NDRG3: variants seen among roughly 807,000 people sequenced by gnomAD.
NDRG3 encodes NDRG family member 3.
Under a neutral mutation model 57.2 loss-of-function variants are expected in NDRG3, and 23 were observed. The observed-to-expected ratio is 0.40, with a 90% confidence interval of 0.29 to 0.57. NDRG3 has a LOEUF of 0.57. Among genes scored for constraint, NDRG3 ranks in the 20% least tolerant of loss-of-function variants. The pLI is 0.42. For missense variants in NDRG3, 384 were observed against 457.3 expected (o/e 0.84, Z 1.46); for synonymous variants, 132 against 162.6 (o/e 0.81, Z 1.43).
intron 1 of NDRG3, among the ~76,000 whole-genome samples, chr20:36,738,381 G>C (rs562466938): frequency 6.6e-6 from 1 of 151,560 alleles, no homozygotes; most frequent in African/African-American, 2.4e-5. Context: ...TATAATCCCA[G>C]CTACACGAGA....
chr20:36,676,144 G>A (rs1007737186), intron 8 of NDRG3, among the ~76,000 whole-genome samples: 21 of 152,028 alleles, frequency 1.4e-4, no homozygotes, highest in African/African-American at 5.1e-4. Flanking sequence ...GGAGGCTGAG[G>A]TGGGAGAATG....
chr20:36,699,038 C>T (rs1226937641), intron 3 of NDRG3, among the ~76,000 whole-genome samples: 1 of 152,062 alleles, frequency 6.6e-6, no homozygotes, highest in Non-Finnish European at 1.5e-5. Context: ...AACTCCTGGG[C>T]TCAAGCAATC....
intron 11 of NDRG3, 30 bp downstream of exon 11, chr20:36,665,206 C>A: frequency 6.2e-7 from 1 of 1,610,604 alleles, no homozygotes; most frequent in Non-Finnish European, 8.5e-7. Flanking sequence ...CTATATTTGG[C>A]AAGTCAGCTG....
intron 8 of NDRG3, among the ~76,000 whole-genome samples, chr20:36,672,836 AAAAAAAATGT>A (rs1343618494): frequency 6.6e-6 from 1 of 152,034 alleles, no homozygotes; most frequent in Non-Finnish European, 1.5e-5. Context: ...CTCAAAAAAA[AAAAAAAATGT>A]ACCCACATAT....
At chr20:36,656,049 G>A (rs745568906) in intron 15 of NDRG3, among the ~76,000 whole-genome samples, 6 of 148,864 alleles carry the variant, frequency 4.0e-5, no homozygotes, top group Admixed American at 1.4e-4. Flanking sequence ...CAGGAGAATC[G>A]CTTGAACCCA....
chr20:36,676,113 G>A (rs1440141061), intron 8 of NDRG3, among the ~76,000 whole-genome samples: 2 of 151,864 alleles, frequency 1.3e-5, no homozygotes, highest in African/African-American at 4.8e-5. Context: ...GGTGGCGGGC[G>A]CCTGTAGTCC....
intron 1 of NDRG3, among the ~76,000 whole-genome samples, chr20:36,734,152 A>T (rs2148222384): frequency 6.6e-6 from 1 of 152,082 alleles, no homozygotes; most frequent in South Asian, 2.1e-4. Flanking sequence ...CTTTGCAGTG[A>T]GCTGAGATCG....
intron 6 of NDRG3, among the ~76,000 whole-genome samples, chr20:36,683,210 C>G (rs1981470865): frequency 6.6e-6 from 1 of 151,980 alleles, no homozygotes; most frequent in Admixed American, 6.6e-5. Flanking sequence ...CGCCACTGCA[C>G]TCCAGCCTAG....
chr20:36,676,247 AT>A (rs940380133), intron 8 of NDRG3, among the ~76,000 whole-genome samples: 3 of 152,200 alleles, frequency 2.0e-5, no homozygotes, highest in Non-Finnish European at 4.4e-5. Context: ...TCAAAAAAAA[AT>A]AAATACATAC....
chr20:36,718,861 T>C (rs1984424810), intron 2 of NDRG3, among the ~76,000 whole-genome samples: 1 of 152,102 alleles, frequency 6.6e-6, no homozygotes, highest in African/African-American at 2.4e-5. Flanking sequence ...TTTTAATTTT[T>C]TGGTAGACAG....
chr20:36,716,525 T>C lies in NDRG3; in HGVS notation c.57+5154A>G, dbSNP rs371286810. On this transcript the variant is annotated intron_variant, in intron 2 of 15. Transcript: ENST00000349004. The stretch of plus-strand genomic sequence containing the variant: ...TCCAGCCTGGGCAACAGAGCGAGAC[T>C]CCATCTCAAAAAAAAAAAAAAAAAG... Among the ~76,000 whole-genome samples the C allele has an allele frequency of 6.1e-4, 78 of 126,868 alleles. 1 individual carries two copies. The highest frequency in any genetic ancestry group is 2.2e-3 in the African/African-American group (76 of 34,200). 83.2% of individuals were successfully genotyped at this position (126,868 alleles called of 152,430 possible). A position where few individuals can be genotyped will look rare whatever the true frequency, so the allele number is the denominator to read the frequency against.
intron 3 of NDRG3, among the ~76,000 whole-genome samples, chr20:36,706,497 G>A (rs1458734380): frequency 6.6e-6 from 1 of 151,954 alleles, no homozygotes; most frequent in African/African-American, 2.4e-5. Flanking sequence ...TAGCAAATCA[G>A]TTTTTTTGTT....
intron 2 of NDRG3, among the ~76,000 whole-genome samples, chr20:36,713,743 T>G (rs1315255839): frequency 1.3e-5 from 2 of 152,170 alleles, no homozygotes; most frequent in African/African-American, 4.8e-5. Flanking sequence ...TAAACATCAT[T>G]TTGTAGAGGT....
At position 36,693,137 on chromosome 20, in the gene NDRG3, TATATACAC is replaced by T. The variant is rs1982459071; in HGVS notation, c.94-4361_94-4354del. On this transcript the variant is annotated intron_variant, in intron 3 of 15. Transcript: ENST00000349004. ...ATATATATATATATATATATATATA[TATATACAC>T]ACACACACATATACACATATATATA... Among the ~76,000 whole-genome samples, 3 of 59,216 alleles carry T rather than the reference TATATACAC, an allele frequency of 5.1e-5. No individual in the cohort carries two copies. In the South Asian group the frequency reaches 1.7e-3, roughly 34 times the overall value. The allele number at this position is 59,216 out of a possible 152,430, so 38.8% of individuals were successfully genotyped here.
intron 5 of NDRG3, among the ~76,000 whole-genome samples, chr20:36,686,828 G>C (rs1019385620): frequency 5.9e-5 from 9 of 152,152 alleles, no homozygotes; most frequent in African/African-American, 1.4e-4. Context: ...CTGAATTTGG[G>C]CCTAAGTAGT....
intron 3 of NDRG3, among the ~76,000 whole-genome samples, chr20:36,698,302 C>G (rs1335558834): frequency 6.6e-6 from 1 of 151,016 alleles, no homozygotes; most frequent in Non-Finnish European, 1.5e-5. Context: ...TCTCCGGAAG[C>G]TTTCTGACTG....
intron 3 of NDRG3, among the ~76,000 whole-genome samples, chr20:36,697,214 T>C (rs1465333469): frequency 6.6e-6 from 1 of 152,140 alleles, no homozygotes; most frequent in South Asian, 2.1e-4. Context: ...CTGGTGTTTT[T>C]TGTTTCCCTT....
At chr20:36,740,449 C>T (rs561023263) in intron 1 of NDRG3, among the ~76,000 whole-genome samples, 6 of 152,250 alleles carry the variant, frequency 3.9e-5, no homozygotes, top group African/African-American at 9.6e-5. Context: ...CGGGTTCAAG[C>T]GATTCTCCTG....
rs1980783086 is a variant in NDRG3 at position 36,676,961 on chromosome 20, C to T, written c.531+3855G>A. 5.9e-5 allele frequency among the ~76,000 whole-genome samples: 9 copies of T among 152,350 alleles called. No individual in the cohort carries two copies. The South Asian group carries it at 1.7e-3, about 28-fold the overall frequency. On this transcript the variant is annotated intron_variant, in intron 8 of 15. Coordinates refer to ENST00000349004, the MANE Select transcript of NDRG3 (RefSeq NM_032013.4). The stretch of plus-strand genomic sequence containing the variant: ...ATCCCCGCCCTCCTGGGCAGGGCTA[C>T]AGCCGCCCAAACTGCAGCTGTGGAT...
Sources: gnomAD v4.1 joint callset for allele counts (sites outside exome capture counted in the v4.1 genomes callset) on GRCh38, gnomAD v4.1.1 for gene constraint, MANE v1.5 for transcripts, NCBI Gene and HGNC (gene_info 2026-07-23, HGNC 2026-07-21) for gene names.